Variants in ATP11C observed in about 807,000 individuals in gnomAD.
ATP11C encodes phospholipid-transporting ATPase IG.
ATP11C carries 36 observed loss-of-function variants against 97.4 expected under a neutral mutation model. The observed-to-expected ratio is 0.37, with a 90% CI of 0.28 to 0.49. ATP11C has a LOEUF of 0.49. Ranked by LOEUF, ATP11C falls within the 20% of genes least tolerant of loss-of-function variation. ATP11C has a pLI of 0.98. For synonymous variants in ATP11C, 275 were observed against 290.9 expected, an observed-to-expected ratio of 0.95 and a Z score of 0.56; for missense variants, 730 against 824.6, an observed-to-expected ratio of 0.89 and a Z score of 1.40.
rs761897152 is a variant in ATP11C, at chrX:139,804,599, C to T, written c.427G>A (p.Val143Ile). The T allele has an allele frequency of 2.6e-6, 3 of 1,174,104 alleles. No individual in the cohort carries two copies. Among genetic ancestry groups the T allele is most frequent in the Non-Finnish European group, 3.4e-6 (3 of 874,215 alleles). Residue 143 changes from valine to isoleucine, a missense_variant and splice_region_variant, in exon 6 of 30, where the codon GTT (valine) becomes ATT (isoleucine). Coordinates refer to ENST00000682941, the MANE Select transcript of ATP11C (RefSeq NM_001353812.2). ...RVRKESEKIK[V>I]GDVVEVQADE... ...GCCTGTACTTCTACTACATCACCAA[C>T]CTGGAATTGAGAAATAAATATAAAT...
chrX:139,929,466 C>A (rs780048377), intron 1 of ATP11C, among the ~76,000 whole-genome samples: 1 of 111,885 alleles, frequency 8.9e-6, no homozygotes, highest in African/African-American at 3.2e-5. Flanking sequence ...TCAGCAAACA[C>A]AACTGAGCTA....
intron 1 of ATP11C, among the ~76,000 whole-genome samples, chrX:139,927,882 G>A (rs933684506): frequency 9.9e-5 from 11 of 111,498 alleles, no homozygotes; most frequent in Admixed American, 1.9e-4. Context: ...GCATAAGAGC[G>A]GGTTTACAAT....
chrX:139,764,463 G>A (rs974136858), intron 20 of ATP11C, among the ~76,000 whole-genome samples: 6 of 112,786 alleles, frequency 5.3e-5, no homozygotes, highest in African/African-American at 1.6e-4. Context: ...TGTGGGAAGT[G>A]CATTGGGTGA....
intron 12 of ATP11C, among the ~76,000 whole-genome samples, chrX:139,795,429 T>C (rs1273008018): frequency 9.0e-6 from 1 of 111,375 alleles, no homozygotes; most frequent in East Asian, 2.8e-4. Context: ...TTTAAACAAG[T>C]GTGAGGCTCT....
chrX:139,774,679 T>C lies in ATP11C; in HGVS notation c.2216+11A>G, dbSNP rs779236893. The C allele has an allele frequency of 3.4e-6, 4 of 1,189,647 alleles. No individual in the cohort carries two copies. The highest frequency in any genetic ancestry group is 3.6e-5 in the South Asian group (2 of 55,255). On this transcript the variant is annotated intron_variant, in intron 19 of 29. Coordinates refer to ENST00000682941, the MANE Select transcript of ATP11C (RefSeq NM_001353812.2). ...AATGTCTAAATATAAGAAACTGATG[T>C]ACTTTCTTACTTTTTAAAGCTTCTA...
At chrX:139,819,216 C>G (rs1294040246) in intron 3 of ATP11C, 122 bp downstream of exon 3, 2 of 302,386 alleles carry the variant, frequency 6.6e-6, no homozygotes, top group Non-Finnish European at 1.2e-5. Flanking sequence ...TTTAAGAAGT[C>G]ATAATAAGCT....
At position 139,753,621 on chromosome X, in the gene ATP11C, C is replaced by T. The variant is rs139693868; in HGVS notation, c.2701-3469G>A. On this transcript the variant is annotated intron_variant, in intron 23 of 29. Coordinates refer to ENST00000682941, the MANE Select transcript of ATP11C (RefSeq NM_001353812.2). ...GTCAGGAGTTCAAGACCGGCCTGAC[C>T]AACATGCTGAAACCCTATCTCTAAT... Among the ~76,000 whole-genome samples the T allele has an allele frequency of 1.9e-3, 208 of 111,244 alleles. 1 individual carries two copies. Among genetic ancestry groups the T allele is most frequent in the Admixed American group, 4.7e-3 (49 of 10,449 alleles).
chrX:139,827,487 G>A (rs1370813117), intron 1 of ATP11C, among the ~76,000 whole-genome samples: 1 of 111,171 alleles, frequency 9.0e-6, no homozygotes, highest in African/African-American at 3.3e-5. Flanking sequence ...TAGACTCACC[G>A]AACCTAAAAG....
intron 1 of ATP11C, among the ~76,000 whole-genome samples, chrX:139,869,306 T>C (rs1229728108): frequency 8.9e-6 from 1 of 111,875 alleles, no homozygotes; most frequent in African/African-American, 3.2e-5. Context: ...ATTTATTACC[T>C]GATTTGATGA....
At position 139,802,291 on chromosome X, in the gene ATP11C, T is replaced by C. The variant is rs779359689; in HGVS notation, c.604A>G (p.Ile202Val). The C allele has an allele frequency of 4.1e-6, 5 of 1,206,550 alleles. No individual in the cohort carries two copies. In the East Asian group the frequency reaches 1.5e-4, roughly 36 times the overall value. The part of the protein sequence containing the change: ...DTIALCTAES[I>V]DTLRAAIECE... Reference sequence around the variant, plus strand: ...TCAATTGCTGCTCGGAGGGTATCGATGGATTCTGCTGTACACAGTGCAATG... The same window carrying C: ...TCAATTGCTGCTCGGAGGGTATCGACGGATTCTGCTGTACACAGTGCAATG... Residue 202 changes from isoleucine (I) to valine (V), a missense_variant, in exon 7 of 30, where the codon ATC (isoleucine) becomes GTC (valine). Coordinates refer to ENST00000682941, the MANE Select transcript of ATP11C (RefSeq NM_001353812.2).
Position 139,806,756 on chromosome X carries a change from A to T in ATP11C, c.427-2157T>A, listed in dbSNP as rs202204239. Among the ~76,000 whole-genome samples the T allele has an allele frequency of 5.4e-5, 6 of 111,669 alleles. No homozygotes were observed. The East Asian group carries it at 1.7e-3, about 32-fold the overall frequency. The stretch of plus-strand genomic sequence containing the variant: ...AAGAACCTTTCTCACTGGCACGGGC[A>T]TACAGGTGGTGACTGCTGTGAAGAA... On this transcript the variant is annotated intron_variant, in intron 5 of 29. Coordinates refer to ENST00000682941, the MANE Select transcript of ATP11C (RefSeq NM_001353812.2).
At chrX:139,792,330 C>T (rs886834136) in intron 12 of ATP11C, among the ~76,000 whole-genome samples, 2 of 111,440 alleles carry the variant, frequency 1.8e-5, no homozygotes, top group Non-Finnish European at 3.8e-5. Context: ...ATCTCTTCAT[C>T]TGTATCCTTT....
intron 1 of ATP11C, among the ~76,000 whole-genome samples, chrX:139,871,062 CAAAAAAAAA>C: frequency 2.6e-5 from 1 of 38,806 alleles, no homozygotes. Flanking sequence ...GACTCCGTCT[CAAAAAAAAA>C]AAAAAAAAAA....
At chrX:139,832,341 C>A in intron 1 of ATP11C, 1 of 1,071,897 alleles carries the variant, frequency 9.3e-7, no homozygotes, top group Non-Finnish European at 1.2e-6. Context: ...AGTTCCTGTA[C>A]TTCCATGGGA....
At chrX:139,778,523 T>C (rs959905715) in intron 18 of ATP11C, among the ~76,000 whole-genome samples, 1 of 111,895 alleles carries the variant, frequency 8.9e-6, no homozygotes, top group Non-Finnish European at 1.9e-5. Context: ...ATTGCCGCAA[T>C]GAATACAAAA....
intron 12 of ATP11C, among the ~76,000 whole-genome samples, chrX:139,792,517 G>C (rs1470051181): frequency 2.7e-5 from 3 of 110,940 alleles, no homozygotes; most frequent in African/African-American, 9.8e-5. Context: ...ATCTGAAGTG[G>C]GGGGCAGTCT....
At chrX:139,770,567 T>G (rs1474585527) in intron 19 of ATP11C, among the ~76,000 whole-genome samples, 4 of 110,699 alleles carry the variant, frequency 3.6e-5, no homozygotes, top group African/African-American at 1.3e-4. Context: ...AGGGATTTCA[T>G]GCATGATGTA....
intron 5 of ATP11C, among the ~76,000 whole-genome samples, chrX:139,805,121 G>A (rs1316172963): frequency 9.0e-5 from 10 of 111,252 alleles, no homozygotes; most frequent in African/African-American, 3.3e-4. Context: ...CAAAATATTT[G>A]AATTTTTTTT....
At chrX:139,776,521 C>T (rs1378534778) in intron 18 of ATP11C, among the ~76,000 whole-genome samples, 1 of 111,777 alleles carries the variant, frequency 8.9e-6, no homozygotes, top group Non-Finnish European at 1.9e-5. Context: ...ACGACAGGGG[C>T]ATAATGGAGA....
Sources: gnomAD v4.1 joint callset for allele counts (sites outside exome capture counted in the v4.1 genomes callset) on GRCh38, gnomAD v4.1.1 for gene constraint, MANE v1.5 for transcripts, NCBI Gene and HGNC (gene_info 2026-07-23, HGNC 2026-07-21) for gene names.